The following EDEM3 variants were observed in gnomAD, a reference collection of about 807,000 sequenced individuals.
EDEM3 encodes the protein ER degradation-enhancing alpha-mannosidase-like protein 3.
In EDEM3, 60 loss-of-function variants were observed where a neutral mutation model predicts 110.2. The ratio of observed to expected loss-of-function variants is 0.54; its 90% CI spans 0.44 to 0.67. The LOEUF is 0.67. Ranked by LOEUF, EDEM3 falls within the 30% of genes least tolerant of loss-of-function variation. The pLI is 0.00. For missense variants in EDEM3, 996 were observed against 1,121.0 expected (o/e 0.89, Z 1.59); for synonymous variants, 352 against 382.9 (o/e 0.92, Z 0.94).
intron 2 of EDEM3, among the ~76,000 whole-genome samples, chr1:184,749,031 C>G (rs1652601871): frequency 6.6e-6 from 1 of 152,106 alleles, no homozygotes; most frequent in African/African-American, 2.4e-5. Flanking sequence ...AAAACTGAAA[C>G]TGCTATTTAA....
intron 4 of EDEM3, among the ~76,000 whole-genome samples, chr1:184,736,676 A>G (rs1430858352): frequency 6.6e-6 from 1 of 152,130 alleles, no homozygotes; most frequent in Non-Finnish European, 1.5e-5. Context: ...AACAATTTTG[A>G]TATCATTTTG....
At position 184,692,730 on chromosome 1, in the gene EDEM3, T is replaced by A. The variant is rs1210532036; in HGVS notation, c.*1333A>T. On this transcript the variant is annotated 3_prime_UTR_variant, in exon 20 of 20. Transcript: ENST00000318130. The stretch of plus-strand genomic sequence containing the variant: ...GTCTACAAACATCAACAACAAAATT[T>A]AAAAATTTTTAAGACTTAAATGTGG... 3 of 125,902 alleles carry A rather than the reference T, an allele frequency of 2.4e-5. No homozygotes were observed. The highest frequency in any genetic ancestry group is 8.6e-5 in the African/African-American group (3 of 35,026). The allele number at this position is 125,902 out of a possible 1,614,324, so 7.8% of individuals were successfully genotyped here.
intron 2 of EDEM3, 128 bp downstream of exon 2, chr1:184,749,419 G>T (rs188821675): frequency 5.7e-6 from 4 of 699,238 alleles, no homozygotes; most frequent in African/African-American, 3.8e-5. Context: ...GACTATTTTT[G>T]CCCTGTTTTT....
At chr1:184,734,689 A>G (rs1651727118) in intron 4 of EDEM3, 46 bp from the exon 5 acceptor site, 1 of 694,364 alleles carries the variant, frequency 1.4e-6, no homozygotes, top group Non-Finnish European at 2.3e-6. Flanking sequence ...TACCAAGACA[A>G]GGAGAAACGT....
At chr1:184,711,067 G>A (rs1191688352) in intron 15 of EDEM3, among the ~76,000 whole-genome samples, 1 of 151,996 alleles carries the variant, frequency 6.6e-6, no homozygotes, top group Non-Finnish European at 1.5e-5. Context: ...CAAAATACCT[G>A]TATTTTCACT....
At chr1:184,716,144 A>G (rs1280337261) in intron 13 of EDEM3, among the ~76,000 whole-genome samples, 3 of 152,170 alleles carry the variant, frequency 2.0e-5, no homozygotes, top group Non-Finnish European at 4.4e-5. Flanking sequence ...AAGTCTGCTT[A>G]TTGGCCTGCC....
intron 19 of EDEM3, chr1:184,701,456 A>G (rs1210417597): frequency 2.5e-6 from 3 of 1,190,932 alleles, no homozygotes; most frequent in Non-Finnish European, 3.3e-6. Context: ...AAATACATAT[A>G]TACGTATATA....
At chr1:184,711,657 C>T in intron 15 of EDEM3, 66 bp downstream of exon 15, 1 of 1,435,604 alleles carries the variant, frequency 7.0e-7, no homozygotes, top group African/African-American at 1.4e-5. Context: ...TACATGCTCC[C>T]TAAGTTCTCT....
intron 8 of EDEM3, among the ~76,000 whole-genome samples, chr1:184,721,713 A>G (rs1343574812): frequency 6.6e-6 from 1 of 151,964 alleles, no homozygotes; most frequent in African/African-American, 2.4e-5. Flanking sequence ...TTTCCTAAAA[A>G]GGAAAAAAGA....
exon 1 of EDEM3, chr1:184,754,841 CCCTCAGTATCCCGGAGCG>C: frequency 1.2e-6 from 1 of 858,896 alleles, no homozygotes; most frequent in African/African-American, 1.8e-5. Context: ...CCGCCCTCCG[CCCTCAGTATCCCGGAGCG>C]CCTCCCCCAG....
At chr1:184,711,950 G>A in intron 14 of EDEM3, 73 bp from the exon 15 acceptor site, 3 of 1,114,416 alleles carry the variant, frequency 2.7e-6, no homozygotes, top group Non-Finnish European at 3.7e-6. Context: ...TTTTTGAAAT[G>A]GAGTCTCACT....
At chr1:184,730,471 C>T (rs1651446701) in intron 6 of EDEM3, among the ~76,000 whole-genome samples, 1 of 152,062 alleles carries the variant, frequency 6.6e-6, no homozygotes, top group Admixed American at 6.6e-5. Flanking sequence ...CCTGTAGTCT[C>T]AGCTACTCAG....
intron 2 of EDEM3, among the ~76,000 whole-genome samples, chr1:184,741,606 A>T (rs1480831615): frequency 6.6e-6 from 1 of 152,292 alleles, no homozygotes. Context: ...CTGGAACCAT[A>T]ATTCCCCAAG....
At chr1:184,705,721 T>C (rs1378159822) in intron 18 of EDEM3, among the ~76,000 whole-genome samples, 6 of 152,142 alleles carry the variant, frequency 3.9e-5, no homozygotes, top group Non-Finnish European at 8.8e-5. Context: ...CCAAAATGGA[T>C]TTCCCTGTGA....
chr1:184,698,320 C>G (rs1213075970), intron 19 of EDEM3, among the ~76,000 whole-genome samples: 1 of 151,654 alleles, frequency 6.6e-6, no homozygotes. Context: ...AAGATATGTA[C>G]GAGAATGTTA....
intron 13 of EDEM3, 151 bp downstream of exon 13, chr1:184,716,737 G>A (rs566134263): frequency 6.3e-5 from 65 of 1,033,262 alleles, no homozygotes; most frequent in Non-Finnish European, 7.4e-5. Flanking sequence ...TAAAATTAGT[G>A]TATTCAACAG....
chr1:184,697,445 G>C (rs1275996027), intron 19 of EDEM3, among the ~76,000 whole-genome samples: 1 of 151,836 alleles, frequency 6.6e-6, no homozygotes, highest in Non-Finnish European at 1.5e-5. Context: ...AGTGAGGGGA[G>C]AGTTGCCCTA....
At chr1:184,697,022 A>G (rs1264317340) in intron 19 of EDEM3, among the ~76,000 whole-genome samples, 1 of 151,946 alleles carries the variant, frequency 6.6e-6, no homozygotes. Flanking sequence ...AAGCAACTTT[A>G]ATAAAAAAAT....
intron 19 of EDEM3, among the ~76,000 whole-genome samples, chr1:184,701,749 C>A (rs558379420): frequency 6.6e-6 from 1 of 152,032 alleles, no homozygotes; most frequent in Non-Finnish European, 1.5e-5. Context: ...TGTTCTGTTT[C>A]CATCTATACA....
Sources: allele counts gnomAD v4.1 joint callset (sites outside exome capture counted in the v4.1 genomes callset), GRCh38; gene constraint gnomAD v4.1.1; transcripts MANE v1.5; gene names NCBI Gene and HGNC (gene_info 2026-07-23, HGNC 2026-07-21).